The following STS variants were observed in gnomAD, a reference collection of about 807,000 sequenced individuals.
STS encodes the protein steroid sulfatase, also known as steryl-sulfatase.
A neutral mutation model predicts 26.8 loss-of-function variants in STS; 7 were observed. The observed-to-expected ratio is 0.26, with a 90% CI of 0.15 to 0.49. The LOEUF (loss-of-function observed/expected upper bound fraction) is 0.49, where lower values mean the gene tolerates loss of function less well. Ranked by LOEUF, STS falls within the 20% of genes least tolerant of loss-of-function variation. The pLI is 0.98. For synonymous variants in STS, 199 were observed against 189.4 expected (o/e 1.05, Z -0.42); for missense variants, 434 against 465.6 (o/e 0.93, Z 0.63).
At chrX:7,236,002 C>A (rs1922295764) in intron 2 of STS, among the ~76,000 whole-genome samples, 1 of 110,991 alleles carries the variant, frequency 9.0e-6, no homozygotes, top group Non-Finnish European at 1.9e-5. Flanking sequence ...TGGAAAATAC[C>A]CAAATAAAGA....
intron 10 of STS, among the ~76,000 whole-genome samples, chrX:7,336,898 A>G (rs1474642605): frequency 8.9e-6 from 1 of 111,870 alleles, no homozygotes; most frequent in Admixed American, 9.5e-5. Flanking sequence ...GTAAAGAGAA[A>G]GGGGACAGGA....
At chrX:7,250,346 C>T (rs184146869) in intron 2 of STS, among the ~76,000 whole-genome samples, 31 of 108,659 alleles carry the variant, frequency 2.9e-4, no homozygotes, top group Non-Finnish European at 4.9e-4. Context: ...CTCAAGCCAG[C>T]CTTTAAGTTC....
At chrX:7,324,965 A>G (rs1390628671) in intron 8 of STS, among the ~76,000 whole-genome samples, 2 of 111,287 alleles carry the variant, frequency 1.8e-5, no homozygotes, top group Non-Finnish European at 3.8e-5. Context: ...GGATGCGGAC[A>G]CTTGGGGGCA....
chrX:7,240,553 A>AT (rs1922567305), intron 2 of STS, among the ~76,000 whole-genome samples: 9 of 92,011 alleles, frequency 9.8e-5, no homozygotes, highest in South Asian at 6.2e-4. Flanking sequence ...ATATATATAT[A>AT]AAATGGATCC....
At chrX:7,329,767 C>G (rs936133692) in intron 9 of STS, among the ~76,000 whole-genome samples, 5 of 111,860 alleles carry the variant, frequency 4.5e-5, no homozygotes, top group Non-Finnish European at 7.5e-5. Context: ...CTGTAATTCT[C>G]AGGAAGCATT....
At chrX:7,328,449 G>C (rs1194024545) in intron 9 of STS, among the ~76,000 whole-genome samples, 1 of 111,250 alleles carries the variant, frequency 9.0e-6, no homozygotes, top group African/African-American at 3.3e-5. Flanking sequence ...AAGACCCAAG[G>C]ATTTTGTGTG....
At chrX:7,298,695 AG>A (rs1435717362) in intron 7 of STS, among the ~76,000 whole-genome samples, 2 of 110,246 alleles carry the variant, frequency 1.8e-5, no homozygotes, top group African/African-American at 6.6e-5. Flanking sequence ...AGAGAGTCGT[AG>A]CCACCCCCAG....
chrX:7,236,204 G>T (rs1378745860), intron 2 of STS, among the ~76,000 whole-genome samples: 2 of 111,507 alleles, frequency 1.8e-5, no homozygotes, highest in African/African-American at 3.3e-5. Context: ...AAAAAGATTT[G>T]ACCTAACTGA....
chrX:7,262,131 T>A (rs1212221150), intron 6 of STS, among the ~76,000 whole-genome samples: 5 of 112,303 alleles, frequency 4.5e-5, no homozygotes. Context: ...ATCCAACTTC[T>A]GCTGCCAGTT....
At chrX:7,161,843 A>G (rs910107183) in intron 1 of STS, among the ~76,000 whole-genome samples, 49 of 111,959 alleles carry the variant, frequency 4.4e-4, no homozygotes, top group African/African-American at 1.4e-3. Flanking sequence ...ACACATGACA[A>G]TGCTTTACTG....
At chrX:7,165,047 A>G (rs1181499352) in intron 1 of STS, among the ~76,000 whole-genome samples, 1 of 110,096 alleles carries the variant, frequency 9.1e-6, no homozygotes, top group Non-Finnish European at 1.9e-5. Context: ...ATAAACAAAC[A>G]AAAACAACTA....
chrX:7,292,877 A>G (rs1327221946), intron 7 of STS, among the ~76,000 whole-genome samples: 1 of 111,065 alleles, frequency 9.0e-6, no homozygotes, highest in African/African-American at 3.3e-5. Context: ...CTGAAGATGG[A>G]GGTCACTGGG....
chrX:7,328,423 A>G (rs916395137), intron 9 of STS, among the ~76,000 whole-genome samples: 1 of 111,655 alleles, frequency 9.0e-6, no homozygotes, highest in African/African-American at 3.3e-5. Flanking sequence ...GAAGAAGATA[A>G]CAGCCTCCCT....
intron 7 of STS, among the ~76,000 whole-genome samples, chrX:7,297,717 G>A (rs1418997272): frequency 1.8e-5 from 2 of 111,874 alleles, no homozygotes; most frequent in African/African-American, 6.5e-5. Flanking sequence ...TCTAATCCAA[G>A]AACTTCAGAG....
In STS at chrX:7,276,101, C is replaced by T; in HGVS notation, c.943+14C>T. ...ACTGGAGTGTGGGTACGTTTCTCCTCAGTGAGTGCTTAGAAAGCTGCTAAG... is the reference window on the plus strand; with the variant it reads ...ACTGGAGTGTGGGTACGTTTCTCCTTAGTGAGTGCTTAGAAAGCTGCTAAG... On this transcript the variant is annotated intron_variant, in intron 7 of 10. Coordinates refer to ENST00000674429, the MANE Select transcript of STS (RefSeq NM_001320752.2). 8.3e-7 allele frequency: 1 copy of T among 1,207,977 alleles called. No homozygotes were observed. Among genetic ancestry groups the T allele is most frequent in the Non-Finnish European group, 1.1e-6 (1 of 893,510 alleles).
intron 2 of STS, among the ~76,000 whole-genome samples, chrX:7,246,132 G>A (rs1384703036): frequency 4.5e-5 from 5 of 111,890 alleles, no homozygotes; most frequent in African/African-American, 1.6e-4. Flanking sequence ...ATAGTGTTTC[G>A]AATAAAAAGA....
intron 8 of STS, among the ~76,000 whole-genome samples, chrX:7,319,998 AT>A (rs1258377854): frequency 3.9e-4 from 34 of 86,079 alleles, no homozygotes; most frequent in African/African-American, 1.3e-3. Context: ...TTATATATAT[AT>A]TTTTATATAT....
chrX:7,216,905 T>C (rs1247315800), intron 2 of STS, among the ~76,000 whole-genome samples: 6 of 111,409 alleles, frequency 5.4e-5, no homozygotes, highest in African/African-American at 2.0e-4. Flanking sequence ...TTAAGGAGTA[T>C]TCAGTAGCAC....
Sources: allele counts gnomAD v4.1 joint callset (sites outside exome capture counted in the v4.1 genomes callset), GRCh38; gene constraint gnomAD v4.1.1; transcripts MANE v1.5; gene names NCBI Gene and HGNC (gene_info 2026-07-23, HGNC 2026-07-21).